Variants in PTPN13 observed in about 807,000 individuals in gnomAD.
PTPN13 encodes tyrosine-protein phosphatase non-receptor type 13.
PTPN13 carries 191 observed loss-of-function variants against 284.0 expected under a neutral mutation model. The ratio of observed to expected loss-of-function variants is 0.67; its 90% CI spans 0.60 to 0.76. PTPN13 has a LOEUF of 0.76. PTPN13 is among the 30% of genes least tolerant of loss of function. The pLI is 0.00. For missense variants in PTPN13, 2,797 were observed against 2,939.9 expected (o/e 0.95, Z 1.12); for synonymous variants, 986 against 1,022.3 (o/e 0.96, Z 0.68).
intron 2 of PTPN13, among the ~76,000 whole-genome samples, chr4:86,644,298 A>G (rs1054902794): frequency 6.6e-6 from 1 of 152,018 alleles, no homozygotes; most frequent in Non-Finnish European, 1.5e-5. Context: ...CGCTCGGCCA[A>G]ATTTTTTTTG....
At chr4:86,639,760 C>T (rs1003524619) in intron 2 of PTPN13, among the ~76,000 whole-genome samples, 2 of 151,906 alleles carry the variant, frequency 1.3e-5, no homozygotes, top group Non-Finnish European at 2.9e-5. Flanking sequence ...AGCACACCAG[C>T]ATGGCACTTG....
chr4:86,646,290 AT>A (rs772882076), intron 2 of PTPN13, among the ~76,000 whole-genome samples: 10,095 of 132,850 alleles, frequency 0.076, 482 homozygotes, highest in African/African-American at 0.13. Flanking sequence ...AATATTTGCA[AT>A]TTTTTTTTTT....
At chr4:86,782,711 G>A (rs12507163) in intron 37 of PTPN13, among the ~76,000 whole-genome samples, 15,145 of 152,156 alleles carry the variant, frequency 0.1, 874 homozygotes, top group Non-Finnish European at 0.11. Flanking sequence ...TAAATAAAAA[G>A]TAGGTTTACT....
chr4:86,644,617 A>T (rs1285247843), intron 2 of PTPN13, among the ~76,000 whole-genome samples: 1 of 152,212 alleles, frequency 6.6e-6, no homozygotes, highest in Non-Finnish European at 1.5e-5. Flanking sequence ...TGAGGGCAGC[A>T]TTACTATGAT....
rs533636158 is a variant in PTPN13, at chr4:86,701,465, A to G, written c.859A>G (p.Ile287Val). 39 of 1,613,878 alleles carry G rather than the reference A, an allele frequency of 2.4e-5. No homozygotes were observed. In the African/African-American group the frequency reaches 4.5e-4, roughly 19 times the overall value. Reference protein sequence around the residue: ...FKTSGPEKKPIPGIDVLSKKK... With the variant: ...FKTSGPEKKPVPGIDVLSKKK... ...AACTAGTGGCCCAGAAAAAAAACCC[A>G]TCCCTGGCATTGATGTGCTTTCTAA... The change falls in exon 7 of 48, where the codon ATC (isoleucine) becomes GTC (valine). Residue 287 changes from isoleucine to valine, a missense_variant. Transcript: ENST00000411767.
At chr4:86,692,932 T>C (rs1227816767) in intron 5 of PTPN13, among the ~76,000 whole-genome samples, 1 of 151,828 alleles carries the variant, frequency 6.6e-6, no homozygotes, top group East Asian at 1.9e-4. Flanking sequence ...ATACAAAAAT[T>C]AGCTGGTGTG....
chr4:86,744,117 A>C (rs1202922197), intron 16 of PTPN13, among the ~76,000 whole-genome samples: 1 of 152,188 alleles, frequency 6.6e-6, no homozygotes, highest in East Asian at 1.9e-4. Context: ...TATATTTGGC[A>C]CAAATCACCA....
At chr4:86,719,748 C>T (rs1733438994) in intron 9 of PTPN13, among the ~76,000 whole-genome samples, 1 of 152,088 alleles carries the variant, frequency 6.6e-6, no homozygotes, top group Admixed American at 6.6e-5. Context: ...TTTTTCAATG[C>T]TTGTAGGCTG....
At chr4:86,805,415 AT>A (rs1224687913) in intron 44 of PTPN13, 46 bp downstream of exon 44, 1 of 1,178,332 alleles carries the variant, frequency 8.5e-7, no homozygotes, top group Non-Finnish European at 1.2e-6. Flanking sequence ...TCAGTATAAT[AT>A]TAATGGATTA....
At chr4:86,677,162 G>A (rs571587421) in intron 3 of PTPN13, among the ~76,000 whole-genome samples, 8 of 151,760 alleles carry the variant, frequency 5.3e-5, no homozygotes, top group African/African-American at 1.5e-4. Context: ...AGCTACTTGC[G>A]AGGCTGAGGC....
chr4:86,618,648 T>C (rs1455711386), intron 1 of PTPN13, among the ~76,000 whole-genome samples: 7 of 152,212 alleles, frequency 4.6e-5, no homozygotes, highest in Non-Finnish European at 1.0e-4. Context: ...TTCACATCCC[T>C]TGTAAGTTGG....
chr4:86,728,847 G>A (rs2149115242), intron 10 of PTPN13, among the ~76,000 whole-genome samples: 1 of 146,448 alleles, frequency 6.8e-6, no homozygotes, highest in South Asian at 2.2e-4. Context: ...TTACATTTAA[G>A]GTTAACATTG....
At chr4:86,698,957 T>C (rs1174320598) in intron 6 of PTPN13, among the ~76,000 whole-genome samples, 1 of 152,092 alleles carries the variant, frequency 6.6e-6, no homozygotes, top group Non-Finnish European at 1.5e-5. Flanking sequence ...ATTGAAAATA[T>C]GAGGAGATAG....
intron 2 of PTPN13, among the ~76,000 whole-genome samples, chr4:86,636,748 T>C (rs1351842918): frequency 6.6e-6 from 1 of 151,898 alleles, no homozygotes; most frequent in Non-Finnish European, 1.5e-5. Flanking sequence ...ATTGACACCC[T>C]AACATCACAA....
chr4:86,605,368 T>C (rs1353670460), intron 1 of PTPN13, among the ~76,000 whole-genome samples: 7 of 152,062 alleles, frequency 4.6e-5, no homozygotes, highest in Non-Finnish European at 7.4e-5. Flanking sequence ...GATGATCTGA[T>C]CTATGAGGAT....
intron 10 of PTPN13, among the ~76,000 whole-genome samples, chr4:86,726,551 C>A (rs369238278): frequency 1.3e-5 from 2 of 148,596 alleles, no homozygotes; most frequent in African/African-American, 4.9e-5. Context: ...AAGTTGAATT[C>A]CTAGGTATTT....
intron 1 of PTPN13, among the ~76,000 whole-genome samples, chr4:86,629,907 C>T (rs528094703): frequency 6.6e-6 from 1 of 151,996 alleles, no homozygotes; most frequent in South Asian, 2.1e-4. Flanking sequence ...CAGGCACGCA[C>T]CATCATGTTC....
intron 42 of PTPN13, among the ~76,000 whole-genome samples, chr4:86,803,263 C>A (rs935145289): frequency 6.7e-6 from 1 of 150,224 alleles, no homozygotes; most frequent in African/African-American, 2.4e-5. Flanking sequence ...TACACACACA[C>A]ATATATAAAT....
chr4:86,704,993 G>A (rs182081452), intron 7 of PTPN13, among the ~76,000 whole-genome samples: 2 of 152,298 alleles, frequency 1.3e-5, no homozygotes, highest in East Asian at 1.9e-4. Flanking sequence ...ATTTAGTTGA[G>A]TAACTTGCTG....
Sources: gnomAD v4.1 joint callset for allele counts (sites outside exome capture counted in the v4.1 genomes callset) on GRCh38, gnomAD v4.1.1 for gene constraint, MANE v1.5 for transcripts, NCBI Gene and HGNC (gene_info 2026-07-23, HGNC 2026-07-21) for gene names.